CAMKK1: variants seen among roughly 807,000 people sequenced by gnomAD.
CAMKK1 encodes calcium/calmodulin dependent protein kinase kinase 1, also known as calcium/calmodulin-dependent protein kinase kinase 1.
CAMKK1 carries 20 observed loss-of-function variants against 63.5 expected under a neutral mutation model. The observed-to-expected ratio is 0.32, with a 90% CI of 0.22 to 0.46. The LOEUF is 0.46. Ranked by LOEUF, CAMKK1 falls within the 20% of genes least tolerant of loss-of-function variation. The pLI is 1.00. For synonymous variants in CAMKK1, 253 were observed against 269.0 expected (o/e 0.94, Z 0.58); for missense variants, 588 against 658.1 (o/e 0.89, Z 1.17).
At chr17:3,876,550 C>CGG in intron 9 of CAMKK1, 128 bp from the exon 10 acceptor site, 1 of 764,560 alleles carries the variant, frequency 1.3e-6, no homozygotes. Flanking sequence ...CGTCTGGTGA[C>CGG]GACCTGGGAG....
chr17:3,867,333 G>T (rs965561306), intron 14 of CAMKK1, among the ~76,000 whole-genome samples: 1 of 152,214 alleles, frequency 6.6e-6, no homozygotes, highest in Non-Finnish European at 1.5e-5. Context: ...CCAGAGACGA[G>T]TGCATGATGG....
rs2055561127 is a variant in CAMKK1, at chr17:3,884,558, T to G, written c.361-131A>C. The G allele has an allele frequency of 1.3e-6, 1 of 782,022 alleles. No individual in the cohort carries two copies. The highest frequency in any genetic ancestry group is 2.0e-6 in the Non-Finnish European group (1 of 500,444). The allele number at this position is 782,022 out of a possible 1,614,324, so 48.4% of individuals were successfully genotyped here. A position where few individuals can be genotyped will look rare whatever the true frequency, so the allele number is the denominator to read the frequency against. On this transcript the variant is annotated intron_variant, in intron 2 of 15. Transcript: ENST00000348335. The surrounding 1 kb of genome is among the most constrained non-coding windows in gnomAD (Gnocchi z 4.5). The stretch of plus-strand genomic sequence containing the variant: ...CGGACCCCCAGGTCTCACCAAGCTT[T>G]TGAGTTTGGATGGGGAAGTTGGTGG...
In CAMKK1 at chr17:3,861,593, C is replaced by T. The variant is rs1185101431; in HGVS notation, c.*618G>A. 1 of 153,392 alleles carries T rather than the reference C, an allele frequency of 6.5e-6. No homozygotes were observed. The highest frequency in any genetic ancestry group is 2.4e-5 in the African/African-American group (1 of 41,474). 9.5% of individuals were successfully genotyped at this position (153,392 alleles called of 1,614,324 possible). ...TGTAGGAAAGCTCGTGAGATGTTCC[C>T]AAGCAGGGCCTCTCCCCGAACCCCC... On this transcript the variant is annotated 3_prime_UTR_variant, in exon 16 of 16. Transcript: ENST00000348335.
At chr17:3,888,128 C>T (rs2055736198) in intron 1 of CAMKK1, among the ~76,000 whole-genome samples, 1 of 152,206 alleles carries the variant, frequency 6.6e-6, no homozygotes, top group Non-Finnish European at 1.5e-5. Context: ...GAATGAACTC[C>T]AGAGTCAGGA....
chr17:3,888,487 C>A (rs2055753978), intron 1 of CAMKK1, among the ~76,000 whole-genome samples: 1 of 152,232 alleles, frequency 6.6e-6, no homozygotes, highest in South Asian at 2.1e-4. Flanking sequence ...CGCCTCTGTG[C>A]CTTGGGTTTT....
chr17:3,863,916 C>T (rs1440063995), intron 15 of CAMKK1, among the ~76,000 whole-genome samples: 1 of 152,024 alleles, frequency 6.6e-6, no homozygotes, highest in Non-Finnish European at 1.5e-5. Flanking sequence ...ACCAGGTGTC[C>T]GTCCACCTGC....
rs2055570680 is a variant in CAMKK1, at chr17:3,884,747, G to A, written c.361-320C>T. The stretch of plus-strand genomic sequence containing the variant: ...AGACCCTAATCCATGAGAAACCCAT[G>A]AGCAACTATTTCCAGAAGCAGCTGA... On this transcript the variant is annotated intron_variant, in intron 2 of 15. Transcript: ENST00000348335. The surrounding 1 kb of genome is among the most constrained non-coding windows in gnomAD (Gnocchi z 4.5). Among the ~76,000 whole-genome samples, 1 of 152,190 alleles carries A rather than the reference G, an allele frequency of 6.6e-6. No homozygotes were observed. Among genetic ancestry groups the A allele is most frequent in the Non-Finnish European group, 1.5e-5 (1 of 68,032 alleles).
chr17:3,873,509 T>C, intron 10 of CAMKK1, 47 bp from the exon 11 acceptor site: 1 of 1,594,514 alleles, frequency 6.3e-7, no homozygotes, highest in Non-Finnish European at 8.6e-7. Context: ...CACAGCCACC[T>C]CTGCCCACCC....
rs1025433878 is a variant in CAMKK1, at chr17:3,892,051, G to A, written c.-44+888C>T. On this transcript the variant is annotated intron_variant, in intron 1 of 15. Transcript: ENST00000348335. This position sits in a 1 kb window ranked among gnomAD's most constrained non-coding sequence, Gnocchi z 7.5. ...AGGAAAGAGGGCAGGGCTTGGGGAG[G>A]CCAGCGCCACTTCCCTGGGATCCTC... Among the ~76,000 whole-genome samples the A allele has an allele frequency of 1.3e-5, 2 of 152,104 alleles. No individual in the cohort carries two copies. Among genetic ancestry groups the A allele is most frequent in the Non-Finnish European group, 2.9e-5 (2 of 68,004 alleles).
rs961881116 is a variant in CAMKK1, at chr17:3,887,697, G to A, written c.-43-1967C>T. Among the ~76,000 whole-genome samples the A allele has an allele frequency of 6.6e-6, 1 of 150,462 alleles. No individual in the cohort carries two copies. Among genetic ancestry groups the A allele is most frequent in the Non-Finnish European group, 1.5e-5 (1 of 67,430 alleles). On this transcript the variant is annotated intron_variant, in intron 1 of 15. Coordinates refer to ENST00000348335, the MANE Select transcript of CAMKK1 (RefSeq NM_032294.3). The surrounding 1 kb of genome is among the most constrained non-coding windows in gnomAD (Gnocchi z 6.1). ...GCATAAGGAGGCCTCCCCAGAGGAGGTGAGAGGCTGTGGCATAGGGAGGCC... is the reference window on the plus strand; with the variant it reads ...GCATAAGGAGGCCTCCCCAGAGGAGATGAGAGGCTGTGGCATAGGGAGGCC...
At position 3,884,423 on chromosome 17, in the gene CAMKK1, C is replaced by A; in HGVS notation, c.365G>T (p.Cys122Phe). The change falls in exon 3 of 16, where the codon TGC becomes TTC. Residue 122 changes from cysteine to phenylalanine, a missense_variant. Physicochemically the swap from Cys to Phe is radical, Grantham distance 205 (BLOSUM62 -2). This residue lies in a region of CAMKK1 where 357 missense variants were observed against 407.4 expected (regional missense o/e 0.88). Transcript: ENST00000348335. This position sits in a 1 kb window ranked among gnomAD's most constrained non-coding sequence, Gnocchi z 4.5. The stretch of plus-strand genomic sequence containing the variant: ...CAGCTTGTACTGGTTCAGCTGCACG[C>A]AGTCCTGTGGGGGAAGAGCGAGCAC... ...HHVAISDAED[C>F]VQLNQYKLQS... 1 of 1,613,680 alleles carries A rather than the reference C, an allele frequency of 6.2e-7. No homozygotes were observed. Among genetic ancestry groups the A allele is most frequent in the South Asian group, 1.1e-5 (1 of 91,050 alleles).
chr17:3,870,424 G>A (rs958371541), intron 12 of CAMKK1, among the ~76,000 whole-genome samples: 2 of 151,650 alleles, frequency 1.3e-5, no homozygotes, highest in African/African-American at 4.9e-5. Context: ...GGAGTGCAGT[G>A]GCGCAATCTC....
intron 12 of CAMKK1, among the ~76,000 whole-genome samples, chr17:3,871,519 TA>T (rs2054872834): frequency 6.6e-6 from 1 of 150,432 alleles, no homozygotes; most frequent in South Asian, 2.1e-4. Context: ...CACGCCCGGC[TA>T]ATTTTTTTTC....
chr17:3,875,579 G>A (rs114241657), intron 10 of CAMKK1, among the ~76,000 whole-genome samples: 6 of 152,096 alleles, frequency 3.9e-5, no homozygotes, highest in East Asian at 3.9e-4. Context: ...CACTGTGCCC[G>A]GCCTCCTGAC....
intron 12 of CAMKK1, among the ~76,000 whole-genome samples, chr17:3,870,938 G>C (rs768571355): frequency 1.3e-5 from 2 of 152,204 alleles, no homozygotes; most frequent in African/African-American, 2.4e-5. Context: ...TGGTGCTCGG[G>C]AAAGGGAGTG....
chr17:3,871,402 T>G (rs1290706938), intron 12 of CAMKK1, among the ~76,000 whole-genome samples: 12 of 136,842 alleles, frequency 8.8e-5, no homozygotes, highest in East Asian at 6.6e-4. Flanking sequence ...TCGCCCAGGC[T>G]GGAGTGCAGT....
Position 3,883,609 on chromosome 17 carries a change from G to T in CAMKK1, c.463-129C>A. On this transcript the variant is annotated intron_variant, in intron 4 of 15. Transcript: ENST00000348335. The surrounding 1 kb of genome is among the most constrained non-coding windows in gnomAD (Gnocchi z 4.7). ...TACTGGCCCTGAGGGTGTGGCCCAG[G>T]TAAGTGTTAAGCGGGGTTGGGGGTG... is the stretch of plus-strand genomic sequence containing the variant. 2 of 872,448 alleles carry T rather than the reference G, an allele frequency of 2.3e-6. No homozygotes were observed. Among genetic ancestry groups the T allele is most frequent in the East Asian group, 2.4e-5 (1 of 41,512 alleles). 54.0% of individuals were successfully genotyped at this position (872,448 alleles called of 1,614,324 possible). A position where few individuals can be genotyped will look rare whatever the true frequency, so the allele number is the denominator to read the frequency against.
intron 15 of CAMKK1, among the ~76,000 whole-genome samples, chr17:3,864,004 G>A (rs888032196): frequency 1.3e-5 from 2 of 151,198 alleles, no homozygotes; most frequent in Non-Finnish European, 2.9e-5. Flanking sequence ...CCAGGCTGGA[G>A]TACAGTGGTG....
chr17:3,872,026 G>A (rs2054911468), intron 12 of CAMKK1, among the ~76,000 whole-genome samples: 1 of 152,212 alleles, frequency 6.6e-6, no homozygotes. Context: ...CCGTCATGAG[G>A]CGAACCATGC....
Sources: allele counts gnomAD v4.1 joint callset (sites outside exome capture counted in the v4.1 genomes callset), GRCh38; gene constraint gnomAD v4.1.1; regional missense constraint gnomAD v4.1.1; non-coding constraint Gnocchi (gnomAD v3.1); transcripts MANE v1.5; gene names NCBI Gene and HGNC (gene_info 2026-07-23, HGNC 2026-07-21).